Variants in COL6A3 observed in about 807,000 individuals in gnomAD.
The protein encoded by COL6A3 is collagen alpha-3(VI) chain.
A neutral mutation model predicts 274.1 loss-of-function variants in COL6A3; 137 were observed. The ratio of observed to expected loss-of-function variants is 0.50; its 90% CI spans 0.44 to 0.58. COL6A3 has a LOEUF of 0.58. Among genes scored for constraint, COL6A3 ranks in the 20% least tolerant of loss-of-function variants. The probability of loss-of-function intolerance (pLI) is 0.00; values close to 1 mark genes in which losing one functional copy is unlikely to be tolerated. For synonymous variants in COL6A3, 1,650 were observed against 1,650.6 expected (o/e 1.00, Z 0.01); for missense variants, 3,950 against 4,124.9 (o/e 0.96, Z 1.16).
intron 42 of COL6A3, chr2:237,333,189 A>AT (rs1389318474): frequency 1.8e-6 from 1 of 547,408 alleles, no homozygotes; most frequent in African/African-American, 1.9e-5. Flanking sequence ...GAAATGTCTA[A>AT]TGGATACGTG....
rs1179133093 is a variant in COL6A3 at position 237,381,482 on chromosome 2, T to C, written c.1330A>G (p.Arg444Gly). Residue 444 changes from arginine (R) to glycine (G), a missense_variant, in exon 5 of 44, where the codon AGA becomes GGA. Physicochemically the swap from Arg to Gly is moderately radical, Grantham distance 125 (BLOSUM62 -2). Coordinates refer to ENST00000295550, the MANE Select transcript of COL6A3 (RefSeq NM_004369.4). ...CCATCCACCAGGAAGACTATGTCTC[T>C]CTTGTTGACTTCAATGACTGTAGGT... ...IVTQVIEVNKRDIVFLVDGSS... is the reference protein window; with the variant it reads ...IVTQVIEVNKGDIVFLVDGSS... The C allele has an allele frequency of 1.2e-6, 2 of 1,603,690 alleles. No homozygotes were observed. Among genetic ancestry groups the C allele is most frequent in the South Asian group, 2.2e-5 (2 of 91,068 alleles).
intron 18 of COL6A3, 28 bp downstream of exon 18, chr2:237,359,333 AT>A: frequency 6.2e-7 from 1 of 1,614,204 alleles, no homozygotes. Context: ...AGAGTTTTCC[AT>A]TTGTAAAACA....
At chr2:237,386,869 A>G (rs2078156114) in intron 4 of COL6A3, among the ~76,000 whole-genome samples, 1 of 152,098 alleles carries the variant, frequency 6.6e-6, no homozygotes, top group Non-Finnish European at 1.5e-5. Flanking sequence ...CATACCTCCT[A>G]TGTTTGTTAA....
intron 42 of COL6A3, among the ~76,000 whole-genome samples, chr2:237,331,493 T>A (rs1700221881): frequency 6.6e-6 from 1 of 152,128 alleles, no homozygotes; most frequent in South Asian, 2.1e-4. Context: ...ATGTCCCATT[T>A]ATTAGGTCGG....
intron 20 of COL6A3, 67 bp from the exon 21 acceptor site, chr2:237,358,650 A>G: frequency 7.7e-7 from 1 of 1,306,122 alleles, no homozygotes; most frequent in Non-Finnish European, 1.1e-6. Flanking sequence ...CCTAAAAATC[A>G]CATTCTTCAA....
chr2:237,351,267 T>C, intron 26 of COL6A3, 75 bp from the exon 27 acceptor site: 2 of 1,419,008 alleles, frequency 1.4e-6, no homozygotes, highest in African/African-American at 1.4e-5. Context: ...AACCTGACTC[T>C]CCCCTGCATG....
Position 237,324,439 on chromosome 2 carries a change from A to G in COL6A3, c.*335T>C, listed in dbSNP as rs1699825075. ...AGCCGTGACATTTGCATTATTTTCT[A>G]GACTTTACATTTGCCTGCAACAGGC... On this transcript the variant is annotated 3_prime_UTR_variant, in exon 44 of 44. Transcript: ENST00000295550. The G allele has an allele frequency of 3.4e-6, 1 of 294,134 alleles. No homozygotes were observed. Among genetic ancestry groups the G allele is most frequent in the Non-Finnish European group, 6.6e-6 (1 of 152,586 alleles). 18.2% of individuals were successfully genotyped at this position (294,134 alleles called of 1,614,324 possible). A position where few individuals can be genotyped will look rare whatever the true frequency, so the allele number is the denominator to read the frequency against.
At chr2:237,343,190 A>G (rs2077024494) in intron 36 of COL6A3, 1 of 152,094 alleles carries the variant, frequency 6.6e-6, no homozygotes, top group Non-Finnish European at 1.5e-5. Flanking sequence ...AATAAATATT[A>G]ATTGATGTAA....
At chr2:237,335,991 A>G (rs1700522036) in intron 40 of COL6A3, 144 bp downstream of exon 40, 1 of 1,046,424 alleles carries the variant, frequency 9.6e-7, no homozygotes, top group South Asian at 1.5e-5. Flanking sequence ...CCTAACCAAC[A>G]CCTCTTAAAA....
chr2:237,372,036 G>A lies in COL6A3; in HGVS notation c.3981C>T (p.Pro1327=). 6.2e-7 allele frequency: 1 copy of A among 1,614,046 alleles called. No homozygotes were observed. Among genetic ancestry groups the A allele is most frequent in the Non-Finnish European group, 8.5e-7 (1 of 1,180,032 alleles). ...CGCCCTCTTCAATGCGGCTCCCCAG[G>A]GGCCTCTTGAAGATGTTCCTGGACA... ...EYVSRNIFKR[P]LGSRIEEGVP... Residue 1327 remains proline (P), a synonymous_variant, in exon 9 of 44, where the codon CCC becomes CCT. Coordinates refer to ENST00000295550, the MANE Select transcript of COL6A3 (RefSeq NM_004369.4).
At chr2:237,333,593 G>C in intron 41 of COL6A3, 45 bp from the exon 42 acceptor site, 1 of 1,522,868 alleles carries the variant, frequency 6.6e-7, no homozygotes, top group Non-Finnish European at 9.1e-7. Flanking sequence ...ATCAGAAACA[G>C]GAGGGCTTGG....
rs2077076016 is a variant in COL6A3, at chr2:237,345,306, A to C, written c.7093-93T>G. ...CCCCAGAAATACACAGAGCAAGACA[A>C]AGGGGCCCCTGGATAACCTTGATTG... is the stretch of plus-strand genomic sequence containing the variant. On this transcript the variant is annotated intron_variant, in intron 32 of 43. Transcript: ENST00000295550. 7 of 1,247,972 alleles carry C rather than the reference A, an allele frequency of 5.6e-6. No individual in the cohort carries two copies. In the East Asian group the frequency reaches 1.6e-4, roughly 29 times the overall value. 77.3% of individuals were successfully genotyped at this position (1,247,972 alleles called of 1,614,324 possible).
chr2:237,376,118 G>A (rs767019587), intron 7 of COL6A3, among the ~76,000 whole-genome samples: 23 of 152,242 alleles, frequency 1.5e-4, no homozygotes, highest in Middle Eastern at 3.4e-3. Context: ...CCCAGATGTC[G>A]GAGTTACCAT....
In COL6A3 at chr2:237,347,791, G is replaced by A. The variant is rs2077125675; in HGVS notation, c.7029+16C>T. ...TTCTCATTCCTCACCTGCAGCCAAG[G>A]CCCACGCAAACTTACCCTTCGGCCT... On this transcript the variant is annotated intron_variant, in intron 31 of 43. Coordinates refer to ENST00000295550, the MANE Select transcript of COL6A3 (RefSeq NM_004369.4). 1.9e-6 allele frequency: 3 copies of A among 1,606,626 alleles called. No homozygotes were observed. Among genetic ancestry groups the A allele is most frequent in the Non-Finnish European group, 2.6e-6 (3 of 1,176,110 alleles).
chr2:237,366,475 A>G (rs1246275489), intron 11 of COL6A3, among the ~76,000 whole-genome samples: 1 of 152,214 alleles, frequency 6.6e-6, no homozygotes, highest in Non-Finnish European at 1.5e-5. Context: ...AATCTTATAA[A>G]AGCAAAATAT....
At position 237,361,274 on chromosome 2, in the gene COL6A3, A is replaced by C; in HGVS notation, c.6157-100T>G. On this transcript the variant is annotated intron_variant, in intron 15 of 43. Transcript: ENST00000295550. This position sits in a 1 kb window ranked among gnomAD's most constrained non-coding sequence, Gnocchi z 5.1. ...CCCTTCATTTGGCAGAGCAGCACTA[A>C]AACTCAGCATGGCTTTCCCTGTTAC... The C allele has an allele frequency of 1.9e-6, 2 of 1,038,074 alleles. No homozygotes were observed. 64.3% of individuals were successfully genotyped at this position (1,038,074 alleles called of 1,614,324 possible).
intron 6 of COL6A3, among the ~76,000 whole-genome samples, chr2:237,377,998 A>C (rs537178309): frequency 1.5e-4 from 23 of 152,366 alleles, no homozygotes; most frequent in African/African-American, 4.6e-4. Flanking sequence ...TTCTCAGTTA[A>C]AACAGTTCTT....
chr2:237,350,155 C>A lies in COL6A3; in HGVS notation c.6871G>T (p.Gly2291Trp), dbSNP rs727502836. 1.2e-6 allele frequency: 2 copies of A among 1,614,082 alleles called. No homozygotes were observed. The highest frequency in any genetic ancestry group is 8.5e-7 in the Non-Finnish European group (1 of 1,179,982). The part of the protein sequence containing the change: ...KGGIGNRGPR[G>W]ETGDDGRDGV... ...GCGCGCTGTGACCTTACCGTCTCCC[C>A]ACGAGGGCCCCGGTTCCCGATTCCT... is the stretch of plus-strand genomic sequence containing the variant. Residue 2291 changes from glycine to tryptophan, a missense_variant, in exon 28 of 44, where the codon GGG becomes TGG. By Grantham distance (184) the Gly-to-Trp change is radical. Transcript: ENST00000295550.
Position 237,336,375 on chromosome 2 carries a change from C to T in COL6A3, c.8725G>A (p.Ala2909Thr), listed in dbSNP as rs201917052. ...IINQPSVKPA[A>T]AKPAPAKPVA... ...GGTTTCGCAGGGGCCGGCTTTGCAG[C>T]GGCTGGCTTCACAGATGGCTGATTT... Residue 2909 changes from alanine to threonine, a missense_variant, in exon 40 of 44, where the codon GCT becomes ACT. By Grantham distance (58) the Ala-to-Thr change is moderately conservative. This residue lies in a region of COL6A3 where 1,284 missense variants were observed against 1,349.7 expected (regional missense o/e 0.95). Transcript: ENST00000295550. 50 of 1,614,190 alleles carry T rather than the reference C, an allele frequency of 3.1e-5. No individual in the cohort carries two copies. The highest frequency in any genetic ancestry group is 1.3e-4 in the African/African-American group (10 of 75,052).
Sources: gnomAD v4.1 joint callset for allele counts (sites outside exome capture counted in the v4.1 genomes callset) on GRCh38, gnomAD v4.1.1 for gene constraint, gnomAD v4.1.1 regional missense constraint, Gnocchi (gnomAD v3.1) non-coding constraint, MANE v1.5 for transcripts, NCBI Gene and HGNC (gene_info 2026-07-23, HGNC 2026-07-21) for gene names.